MYO1D: variants seen among roughly 807,000 people sequenced by gnomAD.
The protein encoded by MYO1D is unconventional myosin-Id.
Under a neutral mutation model 122.0 loss-of-function variants are expected in MYO1D, and 83 were observed. The observed-to-expected ratio is 0.68, with a 90% CI of 0.57 to 0.82. MYO1D has a LOEUF of 0.82. Ranked by LOEUF, MYO1D falls within the 40% of genes least tolerant of loss-of-function variation. The pLI is 0.00. For synonymous variants in MYO1D, 464 were observed against 446.9 expected, an observed-to-expected ratio of 1.04 and a Z score of -0.48; for missense variants, 1,157 against 1,269.5, an observed-to-expected ratio of 0.91 and a Z score of 1.35.
chr17:32,500,748 G>A (rs542819347), intron 21 of MYO1D, among the ~76,000 whole-genome samples: 178 of 152,138 alleles, frequency 1.2e-3, no homozygotes, highest in Middle Eastern at 3.4e-3. Flanking sequence ...GGCTCACGCC[G>A]GTAATCCCAG....
intron 1 of MYO1D, among the ~76,000 whole-genome samples, chr17:32,787,006 C>G (rs1324292461): frequency 6.6e-6 from 1 of 150,630 alleles, no homozygotes; most frequent in Non-Finnish European, 1.5e-5. Flanking sequence ...TGTATGAAAG[C>G]AAAGAATACA....
At chr17:32,545,331 G>A (rs1173261247) in intron 21 of MYO1D, among the ~76,000 whole-genome samples, 1 of 152,224 alleles carries the variant, frequency 6.6e-6, no homozygotes, top group Non-Finnish European at 1.5e-5. Context: ...GAAAACGTAT[G>A]TAAAGCATGT....
chr17:32,715,237 T>C (rs1489499444), intron 15 of MYO1D, among the ~76,000 whole-genome samples: 1 of 152,202 alleles, frequency 6.6e-6, no homozygotes, highest in Non-Finnish European at 1.5e-5. Context: ...GTTCAACCAT[T>C]GTGGAAGACA....
intron 1 of MYO1D, among the ~76,000 whole-genome samples, chr17:32,804,387 T>A (rs1019742106): frequency 6.6e-6 from 1 of 152,052 alleles, no homozygotes; most frequent in Non-Finnish European, 1.5e-5. Flanking sequence ...ATGACTAGGG[T>A]TTACTTTGGA....
Position 32,755,566 on chromosome 17 carries a change from T to G in MYO1D, c.1393A>C (p.Lys465Gln). 2 of 1,614,058 alleles carry G rather than the reference T, an allele frequency of 1.2e-6. No homozygotes were observed. The highest frequency in any genetic ancestry group is 1.1e-5 in the South Asian group (1 of 91,076). ...TCAAGAAACATTTCATCGGTGACTT[T>G]GCCGACATTCATGCAAGCATCATCA... The part of the protein sequence containing the change: ...ILDDACMNVG[K>Q]VTDEMFLEAL... Residue 465 changes from lysine (K) to glutamine (Q), a missense_variant, in exon 11 of 22, where the codon AAA becomes CAA. Lys to Gln is a moderately conservative substitution (Grantham distance 53). Coordinates refer to ENST00000318217, the MANE Select transcript of MYO1D (RefSeq NM_015194.3).
intron 13 of MYO1D, 129 bp from the exon 14 acceptor site, chr17:32,738,514 T>C (rs887197362): frequency 1.6e-5 from 15 of 946,946 alleles, no homozygotes; most frequent in Admixed American, 7.7e-5. Context: ...CAAGGCCTAA[T>C]TGGAATGATG....
At chr17:32,748,225 A>G (rs1014908580) in intron 12 of MYO1D, among the ~76,000 whole-genome samples, 2 of 152,194 alleles carry the variant, frequency 1.3e-5, no homozygotes, top group African/African-American at 4.8e-5. Flanking sequence ...TACTTTTTAA[A>G]ATAATATTTG....
At chr17:32,540,897 G>C (rs1235393037) in intron 21 of MYO1D, among the ~76,000 whole-genome samples, 1 of 143,594 alleles carries the variant, frequency 7.0e-6, no homozygotes, top group East Asian at 2.0e-4. Context: ...CTGCACTCCA[G>C]CCTGGGTGAC....
At chr17:32,834,340 C>T (rs2090801580) in intron 1 of MYO1D, among the ~76,000 whole-genome samples, 1 of 152,134 alleles carries the variant, frequency 6.6e-6, no homozygotes, top group Non-Finnish European at 1.5e-5. Flanking sequence ...CCTCATGGAG[C>T]TTGCAGTCAA....
intron 1 of MYO1D, among the ~76,000 whole-genome samples, chr17:32,808,967 G>A (rs778407652): frequency 1.4e-4 from 22 of 152,044 alleles, no homozygotes; most frequent in Non-Finnish European, 2.4e-4. Flanking sequence ...ATAGCCATAC[G>A]TATATATGTA....
chr17:32,828,861 T>C (rs1238052849), intron 1 of MYO1D, among the ~76,000 whole-genome samples: 3 of 152,154 alleles, frequency 2.0e-5, no homozygotes, highest in South Asian at 2.1e-4. Context: ...GTTGGTGCCA[T>C]ACTACTATAC....
chr17:32,725,871 AG>A (rs1392113454), intron 14 of MYO1D, among the ~76,000 whole-genome samples: 5 of 152,242 alleles, frequency 3.3e-5, no homozygotes, highest in Admixed American at 3.3e-4. Flanking sequence ...GATTACCTTA[AG>A]GAGCAACAAA....
chr17:32,582,630 G>C (rs1216553938), intron 21 of MYO1D, among the ~76,000 whole-genome samples: 1 of 151,698 alleles, frequency 6.6e-6, no homozygotes, highest in East Asian at 1.9e-4. Context: ...CTGTTGGGCA[G>C]AATGTTTTAT....
chr17:32,535,548 C>T (rs1269593296), intron 21 of MYO1D, among the ~76,000 whole-genome samples: 1 of 152,154 alleles, frequency 6.6e-6, no homozygotes, highest in African/African-American at 2.4e-5. Context: ...GAGTTCAAGA[C>T]CAGCCTGGCC....
At chr17:32,695,197 G>C (rs1393977767) in intron 16 of MYO1D, among the ~76,000 whole-genome samples, 2 of 152,214 alleles carry the variant, frequency 1.3e-5, no homozygotes, top group Non-Finnish European at 2.9e-5. Flanking sequence ...TTCTACCTCA[G>C]ATCATCAGGC....
At chr17:32,832,303 T>A (rs924633033) in intron 1 of MYO1D, among the ~76,000 whole-genome samples, 1 of 151,078 alleles carries the variant, frequency 6.6e-6, no homozygotes, top group Non-Finnish European at 1.5e-5. Context: ...CTTTTTTTTT[T>A]TTTTGTATTT....
chr17:32,612,695 A>AG (rs1489977489), intron 20 of MYO1D, among the ~76,000 whole-genome samples: 3 of 144,980 alleles, frequency 2.1e-5, no homozygotes, highest in Non-Finnish European at 4.6e-5. Context: ...AAAAAAAAAA[A>AG]CAAAAAAAAA....
chr17:32,499,418 G>A (rs60807973), intron 21 of MYO1D: 165 of 152,106 alleles, frequency 1.1e-3, no homozygotes, highest in African/African-American at 3.8e-3. Flanking sequence ...GGTGGATCAT[G>A]AGGTCAGGAG....
chr17:32,771,238 A>G lies in MYO1D; in HGVS notation c.619-18T>C, dbSNP rs755097117. Reference sequence around the variant, plus strand: ...TGGAGTAGCTGAAAAATATTTAATTAGAAATAAATTGGCCAGACATACATT... The same window carrying G: ...TGGAGTAGCTGAAAAATATTTAATTGGAAATAAATTGGCCAGACATACATT... On this transcript the variant is annotated intron_variant, in intron 5 of 21. Transcript: ENST00000318217. 8.3e-6 allele frequency: 13 copies of G among 1,561,884 alleles called. No individual in the cohort carries two copies. In the East Asian group the frequency reaches 2.9e-4, roughly 35 times the overall value.
Sources: gnomAD v4.1 joint callset for allele counts (sites outside exome capture counted in the v4.1 genomes callset) on GRCh38, gnomAD v4.1.1 for gene constraint, MANE v1.5 for transcripts, NCBI Gene and HGNC (gene_info 2026-07-23, HGNC 2026-07-21) for gene names.